The following NDST4 variants were observed in gnomAD, a reference collection of about 807,000 sequenced individuals.
NDST4 encodes N-deacetylase and N-sulfotransferase 4, also known as N-heparan sulfate sulfotransferase 4.
A neutral mutation model predicts 100.8 loss-of-function variants in NDST4; 63 were observed. That is an observed-to-expected ratio of 0.62 (90% CI 0.51 to 0.77). NDST4 has a LOEUF of 0.77. Among genes scored for constraint, NDST4 ranks in the 30% least tolerant of loss-of-function variants. The pLI is 0.00. For missense variants in NDST4, 943 were observed against 1,018.4 expected (o/e 0.93, Z 1.01); for synonymous variants, 377 against 361.8 (o/e 1.04, Z -0.48).
intron 6 of NDST4, among the ~76,000 whole-genome samples, chr4:114,898,314 AT>A (rs960139892): frequency 5.9e-5 from 9 of 151,978 alleles, no homozygotes; most frequent in Non-Finnish European, 1.3e-4. Context: ...AAAAGATTAT[AT>A]TTTTTTCAAT....
At chr4:114,966,957 A>T in intron 4 of NDST4, among the ~76,000 whole-genome samples, 1 of 152,130 alleles carries the variant, frequency 6.6e-6, no homozygotes, top group East Asian at 1.9e-4. Flanking sequence ...ATATAAAGAC[A>T]TTAAATAAGT....
At chr4:115,067,321 A>T (rs72898663) in intron 2 of NDST4, among the ~76,000 whole-genome samples, 5,734 of 152,256 alleles carry the variant, frequency 0.038, 280 homozygotes, top group African/African-American at 0.11. Flanking sequence ...TTCATACCTC[A>T]TTGAGTCTGA....
chr4:114,904,090 C>T (rs1300766404), intron 6 of NDST4, among the ~76,000 whole-genome samples: 1 of 151,866 alleles, frequency 6.6e-6, no homozygotes, highest in Non-Finnish European at 1.5e-5. Flanking sequence ...TTCATTAATG[C>T]AGTTATTAGA....
At chr4:114,913,817 T>A (rs1725113003) in intron 6 of NDST4, among the ~76,000 whole-genome samples, 1 of 151,708 alleles carries the variant, frequency 6.6e-6, no homozygotes, top group Non-Finnish European at 1.5e-5. Context: ...ATTGGTATAG[T>A]AGGAATGCAT....
At chr4:114,926,754 T>C (rs919959221) in intron 6 of NDST4, among the ~76,000 whole-genome samples, 3 of 152,094 alleles carry the variant, frequency 2.0e-5, no homozygotes, top group Admixed American at 2.0e-4. Flanking sequence ...GATGTTATTA[T>C]AAACCAGAAA....
chr4:114,916,371 C>T (rs778017361), intron 6 of NDST4, among the ~76,000 whole-genome samples: 1 of 152,144 alleles, frequency 6.6e-6, no homozygotes, highest in Non-Finnish European at 1.5e-5. Context: ...TCACCCTTAT[C>T]TCTATCTCCT....
intron 6 of NDST4, among the ~76,000 whole-genome samples, chr4:114,907,416 A>C (rs1724975847): frequency 1.3e-5 from 2 of 152,162 alleles, no homozygotes; most frequent in Non-Finnish European, 2.9e-5. Context: ...TACCTCTCTC[A>C]TAAGGTTGTG....
At chr4:114,832,194 T>C (rs1015450655) in intron 12 of NDST4, among the ~76,000 whole-genome samples, 1 of 152,174 alleles carries the variant, frequency 6.6e-6, no homozygotes. Context: ...AAACATATTA[T>C]AGGAAGCTTC....
chr4:114,993,896 T>C (rs2126252844), intron 2 of NDST4, among the ~76,000 whole-genome samples: 1 of 152,114 alleles, frequency 6.6e-6, no homozygotes, highest in Admixed American at 6.6e-5. Flanking sequence ...CTAACAACAG[T>C]GTCTATTGAC....
chr4:114,924,545 C>T (rs1323497718), intron 6 of NDST4, among the ~76,000 whole-genome samples: 1 of 152,002 alleles, frequency 6.6e-6, no homozygotes, highest in Admixed American at 6.6e-5. Flanking sequence ...ATTCCTCTCA[C>T]AGTTGGTGGC....
intron 2 of NDST4, among the ~76,000 whole-genome samples, chr4:115,068,121 A>T (rs1024599800): frequency 6.6e-5 from 10 of 151,810 alleles, no homozygotes; most frequent in African/African-American, 2.4e-4. Flanking sequence ...TGTTTTCAAG[A>T]CCCTCTATTA....
chr4:114,982,858 C>T (rs1303174395), intron 2 of NDST4, among the ~76,000 whole-genome samples: 1 of 152,100 alleles, frequency 6.6e-6, no homozygotes, highest in Non-Finnish European at 1.5e-5. Flanking sequence ...ATTCATGGCC[C>T]AGCTTCTCTG....
intron 2 of NDST4, among the ~76,000 whole-genome samples, chr4:115,055,343 C>T (rs1216543039): frequency 6.6e-6 from 1 of 152,132 alleles, no homozygotes; most frequent in African/African-American, 2.4e-5. Flanking sequence ...AAACCATCCT[C>T]TTACCTCTCG....
chr4:114,890,504 T>G (rs1182126295), intron 6 of NDST4, among the ~76,000 whole-genome samples: 1 of 152,076 alleles, frequency 6.6e-6, no homozygotes. Flanking sequence ...ATCAATAATA[T>G]TTTCACTAAA....
rs201594630 is a variant in NDST4, at chr4:115,061,357, A to G, written c.978+14702T>C. On this transcript the variant is annotated intron_variant, in intron 2 of 13. Coordinates refer to ENST00000264363, the MANE Select transcript of NDST4 (RefSeq NM_022569.3). ...ACTGCAGCACTATTTACAATAGCAAAGACTTGGAACCAACCCTAATGCCCA... is the reference window on the plus strand; with the variant it reads ...ACTGCAGCACTATTTACAATAGCAAGGACTTGGAACCAACCCTAATGCCCA... Among the ~76,000 whole-genome samples the G allele has an allele frequency of 3.3e-5, 5 of 152,288 alleles. No homozygotes were observed. The East Asian group carries it at 9.6e-4, about 29-fold the overall frequency.
intron 1 of NDST4, among the ~76,000 whole-genome samples, 187 bp from the exon 2 acceptor site, chr4:115,077,469 AAC>A (rs1165277742): frequency 6.6e-6 from 1 of 152,154 alleles, no homozygotes; most frequent in Non-Finnish European, 1.5e-5. Flanking sequence ...ATTTTTTGAT[AAC>A]CTCCAGAACA....
intron 6 of NDST4, among the ~76,000 whole-genome samples, chr4:114,893,682 C>G (rs1299726372): frequency 1.3e-5 from 2 of 151,936 alleles, no homozygotes; most frequent in African/African-American, 4.8e-5. Context: ...TTGTCCCCTT[C>G]TTTAGGTTGC....
At chr4:114,944,026 G>A (rs1368698904) in intron 4 of NDST4, among the ~76,000 whole-genome samples, 2 of 152,168 alleles carry the variant, frequency 1.3e-5, no homozygotes, top group Non-Finnish European at 2.9e-5. Context: ...GAAGCAGAGA[G>A]GAGATTTAGA....
At chr4:114,849,885 T>C (rs181474554) in intron 8 of NDST4, among the ~76,000 whole-genome samples, 2 of 152,260 alleles carry the variant, frequency 1.3e-5, no homozygotes, top group South Asian at 2.1e-4. Flanking sequence ...GTAATAGTTA[T>C]GAGGGACGAG....
Sources: allele counts gnomAD v4.1 joint callset (sites outside exome capture counted in the v4.1 genomes callset), GRCh38; gene constraint gnomAD v4.1.1; transcripts MANE v1.5; gene names NCBI Gene and HGNC (gene_info 2026-07-23, HGNC 2026-07-21).